CLNK: variants seen among roughly 807,000 people sequenced by gnomAD.
The protein encoded by CLNK is cytokine dependent hematopoietic cell linker.
A neutral mutation model predicts 68.6 loss-of-function variants in CLNK; 74 were observed. The ratio of observed to expected loss-of-function variants is 1.08; its 90% CI spans 0.89 to 1.31. The LOEUF is 1.31. Among genes scored for constraint, CLNK ranks in the 50% most tolerant of loss-of-function variants. The pLI, the probability that CLNK is intolerant of heterozygous loss-of-function variation, is 0.00. For missense variants in CLNK, 553 were observed against 515.3 expected (o/e 1.07, Z -0.71); for synonymous variants, 198 against 172.2 (o/e 1.15, Z -1.17).
the CLNK span, among the ~76,000 whole-genome samples, chr4:10,732,632 A>G: frequency 6.6e-6 from 1 of 152,100 alleles, no homozygotes; most frequent in South Asian, 2.1e-4. Context: ...CTAAACTTGT[A>G]GAGGAGAGGC....
chr4:10,708,758 G>A, the CLNK span, among the ~76,000 whole-genome samples: 1 of 152,164 alleles, frequency 6.6e-6, no homozygotes, highest in Non-Finnish European at 1.5e-5. Context: ...GCAGAACATT[G>A]TTTTTGCAAG....
In CLNK at chr4:10,487,544, T is replaced by C. The variant is rs770088732; in HGVS notation, c.*2923A>G. 4.6e-5 allele frequency: 7 copies of C among 152,128 alleles called. No individual in the cohort carries two copies. The highest frequency in any genetic ancestry group is 7.2e-5 in the African/African-American group (3 of 41,426). The allele number at this position is 152,128 out of a possible 1,614,324, so 9.4% of individuals were successfully genotyped here. On this transcript the variant is annotated 3_prime_UTR_variant, in exon 19 of 19. Coordinates refer to ENST00000226951, the MANE Select transcript of CLNK (RefSeq NM_052964.4). ...CAGAGGTGGGTCTCTTGAGTCTCCA[T>C]TGAAATAACTTGCTGGCCAGCAAGT...
intron 5 of CLNK, among the ~76,000 whole-genome samples, chr4:10,567,503 T>C (rs889759496): frequency 2.6e-5 from 4 of 152,160 alleles, no homozygotes; most frequent in Non-Finnish European, 5.9e-5. Flanking sequence ...TTGGAGTAAA[T>C]CTTCATTTCT....
intron 2 of CLNK, among the ~76,000 whole-genome samples, chr4:10,602,665 T>G (rs1454721626): frequency 6.6e-6 from 1 of 152,214 alleles, no homozygotes; most frequent in Admixed American, 6.5e-5. Context: ...ATTCAGCCAG[T>G]ACGTTTACGT....
At chr4:10,647,642 G>A (rs149209239) in intron 2 of CLNK, among the ~76,000 whole-genome samples, 99 of 152,224 alleles carry the variant, frequency 6.5e-4, no homozygotes, top group African/African-American at 2.3e-3. Flanking sequence ...AGTTCAGGGA[G>A]GGAAGTACTC....
intron 12 of CLNK, among the ~76,000 whole-genome samples, chr4:10,532,036 A>C (rs1718564532): frequency 1.3e-5 from 2 of 152,352 alleles, no homozygotes; most frequent in East Asian, 3.9e-4. Flanking sequence ...TGAACCCTGA[A>C]TGACCATGGT....
At chr4:10,567,838 G>A (rs1720182958) in intron 5 of CLNK, among the ~76,000 whole-genome samples, 1 of 152,152 alleles carries the variant, frequency 6.6e-6, no homozygotes. Context: ...AATATCATTA[G>A]CCATTAGGAA....
At chr4:10,636,606 G>A (rs1723101349) in intron 2 of CLNK, among the ~76,000 whole-genome samples, 1 of 152,178 alleles carries the variant, frequency 6.6e-6, no homozygotes, top group Non-Finnish European at 1.5e-5. Context: ...TTGGGTAGAG[G>A]GGAGGGGAGG....
intron 2 of CLNK, among the ~76,000 whole-genome samples, chr4:10,660,735 A>T (rs922449742): frequency 2.6e-5 from 4 of 152,206 alleles, no homozygotes; most frequent in Admixed American, 2.0e-4. Flanking sequence ...AGAGAAGACT[A>T]TCTTGACATC....
At chr4:10,496,448 A>T (rs1168246809) in intron 18 of CLNK, among the ~76,000 whole-genome samples, 1 of 152,222 alleles carries the variant, frequency 6.6e-6, no homozygotes, top group Non-Finnish European at 1.5e-5. Context: ...AGTGAAATCC[A>T]GACCGTCTTC....
At chr4:10,573,979 T>C (rs1720451629) in intron 4 of CLNK, among the ~76,000 whole-genome samples, 1 of 152,202 alleles carries the variant, frequency 6.6e-6, no homozygotes. Flanking sequence ...TTAACGCATA[T>C]GTTTTCTGTC....
intron 7 of CLNK, among the ~76,000 whole-genome samples, chr4:10,563,688 CACGAGG>C (rs1719985839): frequency 6.6e-6 from 1 of 152,140 alleles, no homozygotes; most frequent in Non-Finnish European, 1.5e-5. Context: ...GTGGGTGGAT[CACGAGG>C]TCAGGATTTT....
chr4:10,572,932 G>A (rs747963356), intron 4 of CLNK, among the ~76,000 whole-genome samples: 3 of 152,122 alleles, frequency 2.0e-5, no homozygotes, highest in Non-Finnish European at 4.4e-5. Flanking sequence ...GGGTTCAAGC[G>A]ATTCTCGTGC....
chr4:10,558,366 T>C (rs1425079291), intron 8 of CLNK, 41 bp downstream of exon 8: 1 of 1,579,782 alleles, frequency 6.3e-7, no homozygotes, highest in African/African-American at 1.3e-5. Flanking sequence ...AAATAGATGT[T>C]TTCATACTTA....
the CLNK span, chr4:10,697,373 TG>T: frequency 3.1e-4 from 47 of 152,176 alleles, 1 homozygote; most frequent in Admixed American, 8.5e-4. Flanking sequence ...ACTAAAGCAA[TG>T]TTAGAAGAGC....
chr4:10,587,306 A>C (rs1721005164), intron 3 of CLNK, among the ~76,000 whole-genome samples: 1 of 152,078 alleles, frequency 6.6e-6, no homozygotes. Context: ...CAATCCAACC[A>C]TTGGATGGGA....
At chr4:10,521,149 A>G (rs1295793128) in intron 14 of CLNK, among the ~76,000 whole-genome samples, 1 of 152,204 alleles carries the variant, frequency 6.6e-6, no homozygotes, top group East Asian at 1.9e-4. Context: ...TACAGTCACT[A>G]TGGAAAAGAA....
upstream of CLNK, among the ~76,000 whole-genome samples, chr4:10,687,212 A>AG (rs535005490): frequency 4.6e-5 from 7 of 151,956 alleles, no homozygotes; most frequent in African/African-American, 7.2e-5. Flanking sequence ...GTGAAAAAAA[A>AG]AAAAAACTTG....
chr4:10,642,999 C>CA, intron 2 of CLNK, among the ~76,000 whole-genome samples: 1 of 152,232 alleles, frequency 6.6e-6, no homozygotes, highest in Admixed American at 6.5e-5. Context: ...GCTATATATA[C>CA]GCACACATAC....
Sources: gnomAD v4.1 joint callset for allele counts (sites outside exome capture counted in the v4.1 genomes callset) on GRCh38, gnomAD v4.1.1 for gene constraint, MANE v1.5 for transcripts, NCBI Gene and HGNC (gene_info 2026-07-23, HGNC 2026-07-21) for gene names.